KCNMA1: variants seen among roughly 807,000 people sequenced by gnomAD.
The protein encoded by KCNMA1 is potassium calcium-activated channel subfamily M alpha 1.
KCNMA1 carries 29 observed loss-of-function variants against 140.0 expected under a neutral mutation model. The ratio of observed to expected loss-of-function variants is 0.21; its 90% confidence interval spans 0.15 to 0.28. The LOEUF is 0.28. KCNMA1 is among the 10% of genes least tolerant of loss of function. The pLI is 1.00. For synonymous variants in KCNMA1, 612 were observed against 611.9 expected (o/e 1.00, Z 0.00); for missense variants, 880 against 1,602.2 (o/e 0.55, Z 7.70).
chr10:77,598,410 G>A (rs1371335366), intron 1 of KCNMA1, among the ~76,000 whole-genome samples: 2 of 152,130 alleles, frequency 1.3e-5, no homozygotes, highest in African/African-American at 4.8e-5. Flanking sequence ...TGGAAAACCT[G>A]TTTGCCTATC....
chr10:76,874,535 C>G (rs1381329157), downstream of KCNMA1: 1 of 152,100 alleles, frequency 6.6e-6, no homozygotes, highest in Non-Finnish European at 1.5e-5. Flanking sequence ...GCTCTTGCAC[C>G]CTCATATTAA....
At chr10:77,479,222 CAG>C (rs2098337249) in intron 1 of KCNMA1, among the ~76,000 whole-genome samples, 1 of 152,142 alleles carries the variant, frequency 6.6e-6, no homozygotes, top group Non-Finnish European at 1.5e-5. Flanking sequence ...TGGAAAGAGA[CAG>C]AGATCATTTC....
chr10:77,371,619 C>A (rs2094721078), intron 2 of KCNMA1, among the ~76,000 whole-genome samples: 1 of 152,208 alleles, frequency 6.6e-6, no homozygotes, highest in African/African-American at 2.4e-5. Flanking sequence ...TCTGGAAAGA[C>A]TCTTGCTCCA....
chr10:77,624,406 C>T (rs1411431458), intron 1 of KCNMA1, among the ~76,000 whole-genome samples: 3 of 151,310 alleles, frequency 2.0e-5, no homozygotes, highest in Non-Finnish European at 4.4e-5. Context: ...ATTTCTGAGA[C>T]TTTTTTTTTA....
intron 16 of KCNMA1, 126 bp downstream of exon 16, chr10:77,027,697 A>C (rs2093587284): frequency 1.2e-6 from 1 of 827,716 alleles, no homozygotes; most frequent in Admixed American, 1.7e-5. Flanking sequence ...CTAGGGTCAG[A>C]GAGGTTTTAC....
chr10:77,096,719 G>T (rs912423031), intron 9 of KCNMA1, among the ~76,000 whole-genome samples: 3 of 152,144 alleles, frequency 2.0e-5, no homozygotes, highest in African/African-American at 7.2e-5. Context: ...ATACAGCTTT[G>T]CCTGAATACA....
intron 1 of KCNMA1, among the ~76,000 whole-genome samples, chr10:77,537,807 C>T (rs1028681619): frequency 1.3e-4 from 20 of 152,150 alleles, no homozygotes; most frequent in African/African-American, 4.3e-4. Context: ...GTGGGCCGTT[C>T]GGACTGCAAC....
At chr10:77,548,491 C>T (rs1260221929) in intron 1 of KCNMA1, among the ~76,000 whole-genome samples, 2 of 152,202 alleles carry the variant, frequency 1.3e-5, no homozygotes, top group Admixed American at 6.5e-5. Flanking sequence ...GCCTCTGACT[C>T]CCAGCATGTA....
chr10:76,959,687 T>C (rs1391588878), intron 20 of KCNMA1, among the ~76,000 whole-genome samples: 3 of 152,168 alleles, frequency 2.0e-5, no homozygotes, highest in Non-Finnish European at 2.9e-5. Context: ...AATAAAGATA[T>C]AGAGCTACTG....
At chr10:77,016,181 T>C (rs1399153475) in intron 17 of KCNMA1, among the ~76,000 whole-genome samples, 1 of 152,078 alleles carries the variant, frequency 6.6e-6, no homozygotes, top group African/African-American at 2.4e-5. Context: ...CATCTCTTCT[T>C]CCTATCTGAT....
chr10:77,496,596 C>CAAAAAA (rs201304328), intron 1 of KCNMA1, among the ~76,000 whole-genome samples: 2 of 62,972 alleles, frequency 3.2e-5, no homozygotes, highest in East Asian at 7.2e-4. Context: ...GACACTGTCT[C>CAAAAAA]AAAAAAAAAA....
intron 19 of KCNMA1, among the ~76,000 whole-genome samples, chr10:76,984,278 C>T (rs2080520812): frequency 6.6e-6 from 1 of 152,146 alleles, no homozygotes. Flanking sequence ...TCTTGGCTCA[C>T]TGCAACCTCT....
At chr10:77,386,812 T>G (rs1194369668) in intron 2 of KCNMA1, among the ~76,000 whole-genome samples, 1 of 152,204 alleles carries the variant, frequency 6.6e-6, no homozygotes, top group Non-Finnish European at 1.5e-5. Flanking sequence ...GAAACTGTTT[T>G]TGGTCAGAGG....
chr10:76,916,433 A>G lies in KCNMA1; in HGVS notation c.2903-1384T>C, dbSNP rs187284674. 6.2e-4 allele frequency among the ~76,000 whole-genome samples: 95 copies of G among 152,352 alleles called. 1 individual carries two copies. In the East Asian group the frequency reaches 0.015, roughly 24 times the overall value. Reference sequence around the variant, plus strand: ...TTAAGGTTTTGCATGGACACATATCAATATTAGAAACCTATTTACTTCCTA... The same window carrying G: ...TTAAGGTTTTGCATGGACACATATCGATATTAGAAACCTATTTACTTCCTA... On this transcript the variant is annotated intron_variant, in intron 23 of 27. Transcript: ENST00000286628.
chr10:77,190,131 G>A (rs1478385357), intron 3 of KCNMA1, among the ~76,000 whole-genome samples: 3 of 151,880 alleles, frequency 2.0e-5, no homozygotes, highest in Non-Finnish European at 4.4e-5. Context: ...GGCAGTCTTC[G>A]AGGCCAACCT....
intron 1 of KCNMA1, among the ~76,000 whole-genome samples, chr10:77,441,059 G>A (rs189854885): frequency 1.2e-4 from 18 of 151,952 alleles, no homozygotes; most frequent in East Asian, 5.8e-4. Flanking sequence ...TCCTGACCTC[G>A]TGATCCACCT....
At chr10:77,269,140 G>A (rs760060583) in intron 2 of KCNMA1, among the ~76,000 whole-genome samples, 8 of 152,176 alleles carry the variant, frequency 5.3e-5, no homozygotes, top group Admixed American at 2.0e-4. Flanking sequence ...CCCTTTCCCC[G>A]AAAAGTATTC....
intron 1 of KCNMA1, among the ~76,000 whole-genome samples, chr10:77,483,029 CACACACACACA>C (rs1275092208): frequency 1.3e-4 from 19 of 146,136 alleles, no homozygotes; most frequent in African/African-American, 1.8e-4. Flanking sequence ...CACACACACA[CACACACACACA>C]CCCCTTGTTC....
intron 5 of KCNMA1, among the ~76,000 whole-genome samples, chr10:77,153,376 T>C (rs903817848): frequency 3.9e-5 from 6 of 152,174 alleles, no homozygotes; most frequent in African/African-American, 1.2e-4. Flanking sequence ...TTTTTCTTTT[T>C]CTTTTTGTTT....
Sources: allele counts gnomAD v4.1 joint callset (sites outside exome capture counted in the v4.1 genomes callset), GRCh38; gene constraint gnomAD v4.1.1; transcripts MANE v1.5; gene names NCBI Gene and HGNC (gene_info 2026-07-23, HGNC 2026-07-21).